Variants in MTX2 observed in about 807,000 individuals in gnomAD.
The protein encoded by MTX2 is metaxin 2, also known as metaxin-2.
MTX2 carries 35 observed loss-of-function variants against 42.3 expected under a neutral mutation model. The observed-to-expected ratio is 0.83, with a 90% CI of 0.63 to 1.10. MTX2 has a LOEUF of 1.10. MTX2 is among the 50% of genes least tolerant of loss of function. The pLI is 0.00. For missense variants in MTX2, 307 were observed against 304.1 expected (o/e 1.01, Z -0.07); for synonymous variants, 119 against 100.9 (o/e 1.18, Z -1.08).
At chr2:176,313,244 A>T (rs980610097) in intron 3 of MTX2, among the ~76,000 whole-genome samples, 1 of 152,080 alleles carries the variant, frequency 6.6e-6, no homozygotes, top group African/African-American at 2.4e-5. Context: ...AACTTCAGTT[A>T]ATCTGCCTGA....
At position 176,337,857 on chromosome 2, in the gene MTX2, ATATGT is replaced by A; in HGVS notation, c.*195_*199del. 1 of 435,268 alleles carries A rather than the reference ATATGT, an allele frequency of 2.3e-6. No individual in the cohort carries two copies. The highest frequency in any genetic ancestry group is 6.8e-5 in the South Asian group (1 of 14,760). The allele number at this position is 435,268 out of a possible 1,614,324, so 27.0% of individuals were successfully genotyped here. A position where few individuals can be genotyped will look rare whatever the true frequency, so the allele number is the denominator to read the frequency against. On this transcript the variant is annotated 3_prime_UTR_variant, in exon 10 of 10. Coordinates refer to ENST00000249442, the MANE Select transcript of MTX2 (RefSeq NM_006554.5). ...AAATAATTCTGAATTATTTAATCTG[ATATGT>A]TGTATTCTGTATCTTGAAATTTTTG... is the stretch of plus-strand genomic sequence containing the variant.
chr2:176,310,820 A>G (rs555153640), intron 3 of MTX2, among the ~76,000 whole-genome samples: 1 of 152,244 alleles, frequency 6.6e-6, no homozygotes, highest in African/African-American at 2.4e-5. Flanking sequence ...CAAGGTTTTT[A>G]GCTTCCTTGC....
At chr2:176,316,709 A>G (rs374189719) in intron 3 of MTX2, among the ~76,000 whole-genome samples, 43 of 152,238 alleles carry the variant, frequency 2.8e-4, no homozygotes, top group African/African-American at 8.9e-4. Context: ...AGCCAACCTT[A>G]TTCTTTTTTG....
intron 3 of MTX2, among the ~76,000 whole-genome samples, chr2:176,313,937 A>G (rs938028932): frequency 2.0e-5 from 3 of 152,148 alleles, no homozygotes; most frequent in Non-Finnish European, 4.4e-5. Context: ...AAGGACAGCA[A>G]TCTCAATGAG....
At chr2:176,292,384 A>T (rs1331903403) in intron 1 of MTX2, among the ~76,000 whole-genome samples, 1 of 152,178 alleles carries the variant, frequency 6.6e-6, no homozygotes, top group African/African-American at 2.4e-5. Flanking sequence ...TTAAAATGCC[A>T]CAGATTTTTA....
At chr2:176,280,263 G>C (rs1435708661) in intron 1 of MTX2, among the ~76,000 whole-genome samples, 1 of 152,166 alleles carries the variant, frequency 6.6e-6, no homozygotes, top group Non-Finnish European at 1.5e-5. Flanking sequence ...TGTAGGGAAA[G>C]TGCAAGTGTC....
At chr2:176,312,024 G>A (rs536521231) in intron 3 of MTX2, among the ~76,000 whole-genome samples, 21 of 152,250 alleles carry the variant, frequency 1.4e-4, no homozygotes, top group African/African-American at 4.8e-4. Context: ...TTCCTGTTCG[G>A]CCCTCTTGCA....
chr2:176,314,778 T>G (rs1684397405), intron 3 of MTX2, among the ~76,000 whole-genome samples: 1 of 152,182 alleles, frequency 6.6e-6, no homozygotes, highest in Non-Finnish European at 1.5e-5. Context: ...TTTCAGAAGA[T>G]TATACTGCTC....
chr2:176,300,222 T>C (rs1191743346), intron 3 of MTX2, among the ~76,000 whole-genome samples: 1 of 152,090 alleles, frequency 6.6e-6, no homozygotes, highest in Non-Finnish European at 1.5e-5. Flanking sequence ...AAAAGTAACT[T>C]TGATAATAAT....
chr2:176,282,300 T>C (rs1347558210), intron 1 of MTX2, among the ~76,000 whole-genome samples: 1 of 152,074 alleles, frequency 6.6e-6, no homozygotes, highest in African/African-American at 2.4e-5. Flanking sequence ...TTTCATGAGC[T>C]TATATTCTTT....
intron 1 of MTX2, among the ~76,000 whole-genome samples, chr2:176,277,007 T>A (rs1403874351): frequency 6.6e-6 from 1 of 152,232 alleles, no homozygotes; most frequent in Non-Finnish European, 1.5e-5. Flanking sequence ...CTTAATTATT[T>A]AAATTTATTA....
At chr2:176,326,776 T>G (rs1207956605) in intron 4 of MTX2, 49 bp from the exon 5 acceptor site, 3 of 1,176,534 alleles carry the variant, frequency 2.5e-6, no homozygotes, top group African/African-American at 3.2e-5. Context: ...ATCACAAACT[T>G]TAACATACTG....
chr2:176,297,034 G>T (rs1048545160), intron 2 of MTX2, 127 bp downstream of exon 2: 7 of 1,048,234 alleles, frequency 6.7e-6, no homozygotes, highest in Non-Finnish European at 7.0e-6. Flanking sequence ...TGTATAATTT[G>T]TCTAGGAGGT....
At chr2:176,272,887 A>G (rs1040106676) in intron 1 of MTX2, among the ~76,000 whole-genome samples, 1 of 152,198 alleles carries the variant, frequency 6.6e-6, no homozygotes, top group African/African-American at 2.4e-5. Flanking sequence ...TTATAAGATT[A>G]TGTTTTGCCA....
chr2:176,298,096 G>A (rs995790400), intron 3 of MTX2, among the ~76,000 whole-genome samples: 24 of 150,750 alleles, frequency 1.6e-4, no homozygotes, highest in Non-Finnish European at 3.3e-4. Context: ...TTAATTGTCA[G>A]TATATAAAAT....
At chr2:176,291,994 G>T (rs143029375) in intron 1 of MTX2, among the ~76,000 whole-genome samples, 1 of 152,132 alleles carries the variant, frequency 6.6e-6, no homozygotes, top group Non-Finnish European at 1.5e-5. Context: ...GAGGATTTTG[G>T]TCTTTATTCC....
intron 1 of MTX2, among the ~76,000 whole-genome samples, chr2:176,295,647 A>T (rs1683850435): frequency 6.6e-6 from 1 of 152,188 alleles, no homozygotes; most frequent in African/African-American, 2.4e-5. Flanking sequence ...AACTAAACCT[A>T]AAAGTCACAT....
chr2:176,327,886 A>C (rs190529899), intron 5 of MTX2, among the ~76,000 whole-genome samples: 52 of 151,138 alleles, frequency 3.4e-4, no homozygotes, highest in Admixed American at 2.5e-3. Context: ...TAGAATTTTA[A>C]AATAAGTGGG....
intron 9 of MTX2, 109 bp from the exon 10 acceptor site, chr2:176,337,384 G>A: frequency 3.5e-6 from 3 of 852,416 alleles, no homozygotes; most frequent in Non-Finnish European, 3.6e-6. Flanking sequence ...TGGATCTGAG[G>A]TTAGTTGAAC....
Sources: allele counts gnomAD v4.1 joint callset (sites outside exome capture counted in the v4.1 genomes callset), GRCh38; gene constraint gnomAD v4.1.1; transcripts MANE v1.5; gene names NCBI Gene and HGNC (gene_info 2026-07-23, HGNC 2026-07-21).